Variants in SLC9A9 observed in about 807,000 individuals in gnomAD.
SLC9A9 encodes the protein sodium/hydrogen exchanger 9.
In SLC9A9, 62 loss-of-function variants were observed where a neutral mutation model predicts 77.8. That is an observed-to-expected ratio of 0.80 (90% CI 0.65 to 0.98). The LOEUF (loss-of-function observed/expected upper bound fraction) is 0.98, where lower values mean the gene tolerates loss of function less well. SLC9A9 is among the 50% of genes least tolerant of loss of function. The probability of loss-of-function intolerance (pLI) is 0.00; values close to 1 mark genes in which losing one functional copy is unlikely to be tolerated. For missense variants in SLC9A9, 775 were observed against 774.9 expected, an observed-to-expected ratio of 1.00 and a Z score of 0.00; for synonymous variants, 320 against 283.5, an observed-to-expected ratio of 1.13 and a Z score of -1.29.
intron 2 of SLC9A9, among the ~76,000 whole-genome samples, chr3:143,818,041 A>T (rs1388096689): frequency 6.6e-6 from 1 of 152,238 alleles, no homozygotes; most frequent in East Asian, 1.9e-4. Context: ...AGAAAAAAAA[A>T]TATGTAAATG....
At chr3:143,666,742 G>A (rs2039076835) in intron 5 of SLC9A9, among the ~76,000 whole-genome samples, 2 of 152,112 alleles carry the variant, frequency 1.3e-5, no homozygotes, top group Non-Finnish European at 2.9e-5. Flanking sequence ...CTGCTTCAAA[G>A]ACAATAAAAT....
chr3:143,299,027 G>A (rs1475610625), intron 14 of SLC9A9, among the ~76,000 whole-genome samples: 1 of 152,180 alleles, frequency 6.6e-6, no homozygotes, highest in Non-Finnish European at 1.5e-5. Context: ...ATGTACGCCT[G>A]TATTATTGTA....
At chr3:143,517,448 T>A (rs1437362932) in intron 9 of SLC9A9, 2 of 1,596,728 alleles carry the variant, frequency 1.3e-6, no homozygotes, top group African/African-American at 2.7e-5. Context: ...GGCTCTCTCA[T>A]GCTCCTCTTG....
chr3:143,595,883 G>T (rs1247737499), intron 6 of SLC9A9, among the ~76,000 whole-genome samples: 2 of 152,178 alleles, frequency 1.3e-5, no homozygotes, highest in African/African-American at 4.8e-5. Context: ...AGGGAGATGG[G>T]ACCTACTCCT....
intron 12 of SLC9A9, among the ~76,000 whole-genome samples, chr3:143,415,107 G>A (rs1023300917): frequency 6.6e-6 from 1 of 152,224 alleles, no homozygotes; most frequent in African/African-American, 2.4e-5. Context: ...TCAATTCTGT[G>A]AAGATTGAGA....
At chr3:143,692,285 C>T (rs1391960663) in intron 5 of SLC9A9, among the ~76,000 whole-genome samples, 1 of 151,918 alleles carries the variant, frequency 6.6e-6, no homozygotes, top group Non-Finnish European at 1.5e-5. Flanking sequence ...TTGATTTGTG[C>T]AAACTGCTAT....
intron 12 of SLC9A9, among the ~76,000 whole-genome samples, chr3:143,463,335 G>A (rs142246939): frequency 0.011 from 1,729 of 152,248 alleles, 31 homozygotes; most frequent in African/African-American, 0.039. Context: ...GGCTCCATGC[G>A]GTGCTCTACC....
At chr3:143,359,828 G>A (rs1377002423) in intron 14 of SLC9A9, among the ~76,000 whole-genome samples, 2 of 152,118 alleles carry the variant, frequency 1.3e-5, no homozygotes, top group African/African-American at 4.8e-5. Flanking sequence ...TTAACTTTCT[G>A]CCCCTAAAGA....
intron 6 of SLC9A9, among the ~76,000 whole-genome samples, chr3:143,618,968 T>C (rs2038152932): frequency 6.6e-6 from 1 of 152,176 alleles, no homozygotes; most frequent in Non-Finnish European, 1.5e-5. Flanking sequence ...AAACCCTGCA[T>C]TTTGAAAATT....
chr3:143,591,142 T>G (rs1014277040), intron 6 of SLC9A9, among the ~76,000 whole-genome samples: 9 of 152,194 alleles, frequency 5.9e-5, no homozygotes, highest in Admixed American at 5.9e-4. Context: ...ATATTTGCAC[T>G]GATAGACTCA....
intron 6 of SLC9A9, among the ~76,000 whole-genome samples, chr3:143,633,927 C>A (rs1168821930): frequency 6.6e-6 from 1 of 152,108 alleles, no homozygotes; most frequent in Non-Finnish European, 1.5e-5. Flanking sequence ...AAGGAATAGC[C>A]CATTGCCCCA....
At chr3:143,290,114 C>A (rs1468790058) in intron 14 of SLC9A9, among the ~76,000 whole-genome samples, 1 of 152,176 alleles carries the variant, frequency 6.6e-6, no homozygotes, top group Non-Finnish European at 1.5e-5. Context: ...TGGTCTTCTA[C>A]AGCCTGCACC....
At chr3:143,460,221 T>C (rs931301029) in intron 12 of SLC9A9, among the ~76,000 whole-genome samples, 1 of 152,182 alleles carries the variant, frequency 6.6e-6, no homozygotes, top group Non-Finnish European at 1.5e-5. Context: ...GTACTCTGAA[T>C]TCTGGTTTAT....
At chr3:143,323,547 G>A (rs1434093696) in intron 14 of SLC9A9, among the ~76,000 whole-genome samples, 7 of 152,100 alleles carry the variant, frequency 4.6e-5, no homozygotes, top group Non-Finnish European at 7.4e-5. Flanking sequence ...GAGTGTAAAA[G>A]ATAGATAACA....
intron 9 of SLC9A9, among the ~76,000 whole-genome samples, chr3:143,543,453 A>G (rs1017046402): frequency 6.6e-6 from 1 of 151,554 alleles, no homozygotes; most frequent in Non-Finnish European, 1.5e-5. Context: ...GGCATATTGC[A>G]TGATGCTGAA....
chr3:143,727,216 C>T (rs116738406), intron 4 of SLC9A9, among the ~76,000 whole-genome samples: 66 of 152,156 alleles, frequency 4.3e-4, no homozygotes, highest in African/African-American at 1.6e-3. Flanking sequence ...TCTCTGAGTA[C>T]TCTGAGATGA....
chr3:143,620,769 G>A lies in SLC9A9; in HGVS notation c.755+31486C>T, dbSNP rs368352686. Among the ~76,000 whole-genome samples the A allele has an allele frequency of 3.5e-3, 529 of 152,318 alleles. 2 individuals are homozygous for A. Among genetic ancestry groups the A allele is most frequent in the African/African-American group, 0.012 (501 of 41,562 alleles). Reference sequence around the variant, plus strand: ...CACTGGTGAGTGTCAGAAAGTGGGTGCAGGACAGTGGGTGCAGCGACCAAG... The same window carrying A: ...CACTGGTGAGTGTCAGAAAGTGGGTACAGGACAGTGGGTGCAGCGACCAAG... On this transcript the variant is annotated intron_variant, in intron 6 of 15. Transcript: ENST00000316549.
intron 14 of SLC9A9, among the ~76,000 whole-genome samples, chr3:143,299,722 C>T (rs570257645): frequency 8.4e-4 from 128 of 152,290 alleles, no homozygotes; most frequent in Middle Eastern, 3.4e-3. Flanking sequence ...GGATTACAGG[C>T]GTGAGCCACC....
chr3:143,691,686 A>T (rs757048796), intron 5 of SLC9A9, among the ~76,000 whole-genome samples: 1 of 152,092 alleles, frequency 6.6e-6, no homozygotes, highest in Non-Finnish European at 1.5e-5. Context: ...AATAAGACTT[A>T]ACTAAGATGC....
Sources: gnomAD v4.1 joint callset for allele counts (sites outside exome capture counted in the v4.1 genomes callset) on GRCh38, gnomAD v4.1.1 for gene constraint, MANE v1.5 for transcripts, NCBI Gene and HGNC (gene_info 2026-07-23, HGNC 2026-07-21) for gene names.